The following MADD variants were observed in gnomAD, a reference collection of about 807,000 sequenced individuals.
The protein encoded by MADD is MAP kinase activating death domain, also known as MAP kinase-activating death domain protein.
Under a neutral mutation model 176.7 loss-of-function variants are expected in MADD, and 109 were observed. The observed-to-expected ratio is 0.62, with a 90% CI of 0.53 to 0.72. The LOEUF (loss-of-function observed/expected upper bound fraction) is 0.72. Among genes scored for constraint, MADD ranks in the 30% least tolerant of loss-of-function variants. The pLI, the probability that MADD is intolerant of heterozygous loss-of-function variation, is 0.00. For synonymous variants in MADD, 771 were observed against 771.3 expected (o/e 1.00, Z 0.01); for missense variants, 1,914 against 2,045.5 (o/e 0.94, Z 1.24).
intron 22 of MADD, among the ~76,000 whole-genome samples, chr11:47,300,261 C>T (rs1169279408): frequency 4.8e-5 from 7 of 144,562 alleles, no homozygotes; most frequent in African/African-American, 1.8e-4. Context: ...GGCTGGAGTG[C>T]AGTTGTGCGA....
intron 27 of MADD, among the ~76,000 whole-genome samples, chr11:47,322,932 C>T (rs1257476164): frequency 6.6e-6 from 1 of 151,844 alleles, no homozygotes; most frequent in Non-Finnish European, 1.5e-5. Context: ...GTCCGTAGAG[C>T]ACATAAGAGG....
At chr11:47,278,835 T>C (rs887330086) in intron 6 of MADD, among the ~76,000 whole-genome samples, 164 bp from the exon 7 acceptor site, 4 of 152,222 alleles carry the variant, frequency 2.6e-5, no homozygotes, top group Non-Finnish European at 5.9e-5. Flanking sequence ...CAGATGCATA[T>C]GTATGTCATA....
chr11:47,289,364 C>G, intron 15 of MADD, 27 bp from the exon 17 acceptor site: 1 of 1,561,552 alleles, frequency 6.4e-7, no homozygotes, highest in Non-Finnish European at 8.8e-7. Flanking sequence ...ATAGTGATGT[C>G]TCTCATTCCT....
chr11:47,310,840 G>A (rs1455526506), intron 25 of MADD, among the ~76,000 whole-genome samples: 1 of 150,520 alleles, frequency 6.6e-6, no homozygotes, highest in Non-Finnish European at 1.5e-5. Flanking sequence ...CTGAGAGAAG[G>A]AGGTTGCAGT....
intron 13 of MADD, 107 bp from the exon 14 acceptor site, chr11:47,285,344 G>A (rs71475906): frequency 1.3e-6 from 2 of 1,559,436 alleles, no homozygotes; most frequent in East Asian, 2.2e-5. Context: ...CAGGGGCTTA[G>A]GAATTACGGG....
chr11:47,302,719 CCTTTT>C (rs2078864917), intron 22 of MADD, among the ~76,000 whole-genome samples: 1 of 151,828 alleles, frequency 6.6e-6, no homozygotes. Context: ...CCAGTCTACC[CCTTTT>C]AAGTGAGGGA....
intron 1 of MADD, among the ~76,000 whole-genome samples, chr11:47,271,400 T>C (rs141967729): frequency 1.6e-4 from 24 of 152,344 alleles, no homozygotes; most frequent in Middle Eastern, 3.4e-3. Flanking sequence ...ATGTGAACTC[T>C]GGCTAAAAAT....
intron 22 of MADD, among the ~76,000 whole-genome samples, 174 bp from the exon 25 acceptor site, chr11:47,308,417 T>C (rs1329199366): frequency 1.3e-5 from 2 of 152,154 alleles, no homozygotes; most frequent in East Asian, 3.8e-4. Context: ...TATTGTATAG[T>C]TTAGGAGGCA....
intron 1 of MADD, chr11:47,271,077 A>G (rs1234159217): frequency 1.3e-5 from 2 of 152,100 alleles, no homozygotes; most frequent in African/African-American, 2.4e-5. Context: ...TCCTAAATCT[A>G]CCTCTGGGTG....
chr11:47,328,539 T>C, intron 31 of MADD, 119 bp from the exon 36 acceptor site: 5 of 1,545,460 alleles, frequency 3.2e-6, no homozygotes, highest in Non-Finnish European at 4.4e-6. Context: ...CTGCAGCCAC[T>C]GTGAGAGGCC....
chr11:47,281,849 C>CATTTTTTTT, intron 8 of MADD, 96 bp downstream of exon 8: 7 of 281,318 alleles, frequency 2.5e-5, no homozygotes, highest in African/African-American at 1.0e-4. Flanking sequence ...AACCAGGGTT[C>CATTTTTTTT]CTTTTTTTTT....
chr11:47,276,649 A>G (rs1265496048), intron 4 of MADD, 83 bp from the exon 5 acceptor site: 44 of 1,541,164 alleles, frequency 2.9e-5, no homozygotes, highest in Non-Finnish European at 3.7e-5. Flanking sequence ...TGAAGTGGAA[A>G]CCAAGTTGTA....
chr11:47,303,013 G>T (rs1056581765), intron 22 of MADD, among the ~76,000 whole-genome samples: 1 of 152,012 alleles, frequency 6.6e-6, no homozygotes. Context: ...TCTTGTAAGG[G>T]TGTGATGACT....
upstream of MADD, chr11:47,269,885 C>G (rs909852630): frequency 6.6e-6 from 1 of 152,144 alleles, no homozygotes; most frequent in Non-Finnish European, 1.5e-5. Flanking sequence ...GTGAGAGTCT[C>G]TCTGAGCAAC....
intron 29 of MADD, 46 bp downstream of exon 32, chr11:47,324,383 CCTT>C (rs776837511): frequency 4.4e-6 from 7 of 1,608,200 alleles, no homozygotes; most frequent in East Asian, 4.5e-5. Flanking sequence ...TTCTACCAGT[CCTT>C]CTGAGTGTCA....
chr11:47,295,779 C>G, intron 21 of MADD, 118 bp from the exon 24 acceptor site: 1 of 1,523,550 alleles, frequency 6.6e-7, no homozygotes, highest in Non-Finnish European at 8.8e-7. Flanking sequence ...CTTCCAGAGG[C>G]TATCTGACAC....
intron 19 of MADD, among the ~76,000 whole-genome samples, chr11:47,293,213 C>T (rs538584082): frequency 1.3e-4 from 20 of 152,148 alleles, no homozygotes; most frequent in African/African-American, 4.8e-4. Flanking sequence ...ATTAAGGGAC[C>T]TGGGGACCAT....
exon 6 of MADD, chr11:47,278,174 G>A (rs2052410076): frequency 6.2e-7 from 1 of 1,613,028 alleles, no homozygotes; most frequent in Admixed American, 1.7e-5. Context: ...GCTGCTGTTG[G>A]CTCCAACCCC....
intron 30 of MADD, 86 bp from the exon 35 acceptor site, chr11:47,326,652 G>A (rs2095484944): frequency 6.4e-7 from 1 of 1,555,758 alleles, no homozygotes; most frequent in East Asian, 2.3e-5. Flanking sequence ...TCTTTGTGTG[G>A]GTGGGGCTGT....
Sources: gnomAD v4.1 joint callset for allele counts (sites outside exome capture counted in the v4.1 genomes callset) on GRCh38, gnomAD v4.1.1 for gene constraint, MANE v1.5 for transcripts, NCBI Gene and HGNC (gene_info 2026-07-23, HGNC 2026-07-21) for gene names.